RPH3A: variants seen among roughly 807,000 people sequenced by gnomAD.
The protein encoded by RPH3A is rabphilin-3A.
RPH3A carries 48 observed loss-of-function variants against 102.2 expected under a neutral mutation model. The observed-to-expected ratio is 0.47, with a 90% CI of 0.37 to 0.60. The LOEUF is 0.60. RPH3A is among the 20% of genes least tolerant of loss of function. RPH3A has a pLI of 0.00. For missense variants in RPH3A, 781 were observed against 910.1 expected (o/e 0.86, Z 1.83); for synonymous variants, 310 against 324.3 (o/e 0.96, Z 0.47).
chr12:112,617,108 C>T (rs988678348), intron 1 of RPH3A, among the ~76,000 whole-genome samples: 5 of 152,216 alleles, frequency 3.3e-5, no homozygotes, highest in African/African-American at 1.2e-4. Flanking sequence ...AGCCTAAGCT[C>T]TTTCTCTCTC....
intron 8 of RPH3A, 92 bp from the exon 9 acceptor site, chr12:112,869,667 A>G: frequency 8.6e-7 from 1 of 1,166,828 alleles, no homozygotes; most frequent in African/African-American, 1.5e-5. Flanking sequence ...CTTAGGCAAT[A>G]GTCAATGAAC....
intron 2 of RPH3A, among the ~76,000 whole-genome samples, chr12:112,822,484 T>C (rs2041798165): frequency 6.6e-6 from 1 of 152,142 alleles, no homozygotes; most frequent in Admixed American, 6.5e-5. Context: ...TTTTGGGGGA[T>C]GGAACCACTG....
At chr12:112,669,139 C>T (rs2136008138) in intron 1 of RPH3A, among the ~76,000 whole-genome samples, 1 of 152,272 alleles carries the variant, frequency 6.6e-6, no homozygotes, top group East Asian at 1.9e-4. Flanking sequence ...GGAATGAAGT[C>T]CAGCCCAAAC....
chr12:112,768,873 C>G (rs2040909562), intron 1 of RPH3A, among the ~76,000 whole-genome samples: 2 of 152,170 alleles, frequency 1.3e-5, no homozygotes, highest in South Asian at 2.1e-4. Flanking sequence ...GATTGCTCCA[C>G]TGCACTCCAG....
At chr12:112,617,213 C>T (rs1057473978) in intron 1 of RPH3A, among the ~76,000 whole-genome samples, 9 of 152,120 alleles carry the variant, frequency 5.9e-5, no homozygotes, top group African/African-American at 1.9e-4. Context: ...AGAATAACAC[C>T]GGAGACTCTG....
intron 1 of RPH3A, among the ~76,000 whole-genome samples, chr12:112,673,543 A>T (rs965276345): frequency 6.6e-6 from 1 of 152,036 alleles, no homozygotes; most frequent in African/African-American, 2.4e-5. Flanking sequence ...AAAACTAAAA[A>T]AAAAAAATCC....
At chr12:112,860,976 C>A (rs373477673) in intron 5 of RPH3A, among the ~76,000 whole-genome samples, 6 of 152,270 alleles carry the variant, frequency 3.9e-5, no homozygotes, top group African/African-American at 1.4e-4. Flanking sequence ...TTTAACAGCT[C>A]TAGTCAACTT....
chr12:112,812,772 A>T (rs2041601479), intron 2 of RPH3A, among the ~76,000 whole-genome samples: 3 of 152,046 alleles, frequency 2.0e-5, no homozygotes, highest in Admixed American at 2.0e-4. Flanking sequence ...AGAGGAGGAG[A>T]GGAGTAATGT....
chr12:112,648,734 G>T, intron 1 of RPH3A, among the ~76,000 whole-genome samples: 1 of 109,744 alleles, frequency 9.1e-6, no homozygotes. Flanking sequence ...GACAGAGCAA[G>T]ACACGGTCTC....
At chr12:112,834,288 C>G (rs2042016217) in intron 3 of RPH3A, among the ~76,000 whole-genome samples, 1 of 152,200 alleles carries the variant, frequency 6.6e-6, no homozygotes, top group Non-Finnish European at 1.5e-5. Context: ...GAGATCCAAT[C>G]ATATTGTTTT....
chr12:112,776,873 C>CAAAAAAAAAAAAAAA (rs548377186), intron 1 of RPH3A, among the ~76,000 whole-genome samples: 8 of 73,920 alleles, frequency 1.1e-4, no homozygotes, highest in East Asian at 4.4e-4. Flanking sequence ...GACTCCATCT[C>CAAAAAAAAAAAAAAA]AAAAAAAAAA....
At chr12:112,856,585 C>CTG (rs922406475) in intron 5 of RPH3A, among the ~76,000 whole-genome samples, 9 of 150,970 alleles carry the variant, frequency 6.0e-5, no homozygotes, top group South Asian at 2.1e-4. Flanking sequence ...CATGTGTCAT[C>CTG]TGTGTGTGTG....
In RPH3A at chr12:112,866,850, C is replaced by A; in HGVS notation, c.444+10C>A. ...CATTGAGCAGAGGGAGGTGAGTGCC[C>A]TGGTCCCACCTGGTGCCTAGATCAC... is the stretch of plus-strand genomic sequence containing the variant. On this transcript the variant is annotated intron_variant, in intron 7 of 21. Transcript: ENST00000389385. The A allele has an allele frequency of 6.3e-7, 1 of 1,596,340 alleles. No homozygotes were observed.
chr12:112,817,572 C>T (rs12367435), intron 2 of RPH3A, among the ~76,000 whole-genome samples: 51 of 151,662 alleles, frequency 3.4e-4, no homozygotes, highest in African/African-American at 1.2e-3. Flanking sequence ...GCACCCCCCA[C>T]CCCCCGCACA....
At chr12:112,635,948 G>T (rs939870163) in intron 1 of RPH3A, among the ~76,000 whole-genome samples, 7 of 152,138 alleles carry the variant, frequency 4.6e-5, no homozygotes, top group Non-Finnish European at 7.3e-5. Context: ...AATGAGCTCT[G>T]CCATCCTAGG....
chr12:112,756,260 C>T (rs989381260), intron 1 of RPH3A, among the ~76,000 whole-genome samples: 2 of 151,890 alleles, frequency 1.3e-5, no homozygotes, highest in African/African-American at 4.8e-5. Context: ...GTTGCCCAGG[C>T]TGGAGTACAA....
At chr12:112,730,739 C>A (rs996715178) in intron 1 of RPH3A, among the ~76,000 whole-genome samples, 4 of 152,184 alleles carry the variant, frequency 2.6e-5, no homozygotes, top group African/African-American at 9.7e-5. Flanking sequence ...CTGGCCGAGA[C>A]GGTCAGTTAA....
chr12:112,887,975 C>T (rs1217708058), intron 17 of RPH3A, 52 bp downstream of exon 17: 1 of 1,595,566 alleles, frequency 6.3e-7, no homozygotes, highest in African/African-American at 1.3e-5. Flanking sequence ...ATTGGGGGAG[C>T]TGCCTTCCTC....
At chr12:112,647,685 T>A (rs973617136) in intron 1 of RPH3A, among the ~76,000 whole-genome samples, 5 of 151,862 alleles carry the variant, frequency 3.3e-5, no homozygotes, top group Non-Finnish European at 5.9e-5. Flanking sequence ...TGAGCAAAGA[T>A]GTGGAGAAAG....
Sources: allele counts gnomAD v4.1 joint callset (sites outside exome capture counted in the v4.1 genomes callset), GRCh38; gene constraint gnomAD v4.1.1; transcripts MANE v1.5; gene names NCBI Gene and HGNC (gene_info 2026-07-23, HGNC 2026-07-21).